Variants in LLGL2 observed in about 807,000 individuals in gnomAD.
LLGL2 encodes LLGL scribble cell polarity complex component 2, also known as LLGL2, scribble cell polarity complex component.
A neutral mutation model predicts 123.2 loss-of-function variants in LLGL2; 81 were observed. That is an observed-to-expected ratio of 0.66 (90% CI 0.55 to 0.79). LLGL2 has a LOEUF of 0.79. Ranked by LOEUF, LLGL2 falls within the 30% of genes least tolerant of loss-of-function variation. LLGL2 has a pLI of 0.00. For synonymous variants in LLGL2, 577 were observed against 594.1 expected (o/e 0.97, Z 0.42); for missense variants, 1,273 against 1,414.6 (o/e 0.90, Z 1.61).
chr17:75,562,769 C>T, intron 6 of LLGL2: 1 of 543,422 alleles, frequency 1.8e-6, no homozygotes, highest in Non-Finnish European at 3.3e-6. Flanking sequence ...AGGGTTTTGC[C>T]ATGTTGGCCA....
At chr17:75,557,904 TC>T in intron 3 of LLGL2, 1 of 541,872 alleles carries the variant, frequency 1.8e-6, no homozygotes, top group South Asian at 1.9e-5. Context: ...GCTTCGCCTT[TC>T]TATGGAGTTG....
In LLGL2 at chr17:75,563,059, G is replaced by A; in HGVS notation, c.574G>A (p.Glu192Lys). The A allele has an allele frequency of 5.0e-6, 8 of 1,613,068 alleles. No individual in the cohort carries two copies. Among genetic ancestry groups the A allele is most frequent in the Non-Finnish European group, 5.9e-6 (7 of 1,180,034 alleles). ...ARHRRVFEMV[E>K]ALQEHPRDPN... ...CCACCGGCGTGTGTTCGAGATGGTG[G>A]AGGCACTGCAGGAGCACCCTCGAGA... is the stretch of plus-strand genomic sequence containing the variant. The change falls in exon 7 of 26, where the codon GAG (glutamate) becomes AAG (lysine). Residue 192 changes from glutamate (E) to lysine (K), a missense_variant. Glu to Lys is a moderately conservative substitution (Grantham distance 56, BLOSUM62 1). Coordinates refer to ENST00000392550, the MANE Select transcript of LLGL2 (RefSeq NM_001031803.2).
In LLGL2 at chr17:75,568,433, C is replaced by T. The variant is rs1236395610; in HGVS notation, c.1037-43C>T. The T allele has an allele frequency of 1.0e-5, 16 of 1,593,822 alleles. No homozygotes were observed. The Admixed American group carries it at 2.5e-4, about 25-fold the overall frequency. ...CTTCTGATTCCACAGAGCTGGGCTG[C>T]TTCCTCCTGGCCCCGGCCCCTGACC... On this transcript the variant is annotated intron_variant, in intron 10 of 25. Coordinates refer to ENST00000392550, the MANE Select transcript of LLGL2 (RefSeq NM_001031803.2).
chr17:75,529,721 C>T lies in LLGL2; in HGVS notation c.-31+3896C>T, dbSNP rs577092979. ...ACTAAAAATACAAAAATTAGCTGGGCGTGGTGGTGCGTGCCTGTAATCCCA... is the reference window on the plus strand; with the variant it reads ...ACTAAAAATACAAAAATTAGCTGGGTGTGGTGGTGCGTGCCTGTAATCCCA... On this transcript the variant is annotated intron_variant, in intron 1 of 25. Coordinates refer to ENST00000392550, the MANE Select transcript of LLGL2 (RefSeq NM_001031803.2). 3.7e-3 allele frequency among the ~76,000 whole-genome samples: 568 copies of T among 151,636 alleles called. 6 individuals are homozygous for T. Among genetic ancestry groups the T allele is most frequent in the African/African-American group, 0.013 (527 of 41,384 alleles).
rs1187279604 is a variant in LLGL2, at chr17:75,564,376, G to A, written c.905G>A (p.Gly302Asp). 3 of 1,611,438 alleles carry A rather than the reference G, an allele frequency of 1.9e-6. No individual in the cohort carries two copies. The Admixed American group carries it at 5.0e-5, about 27-fold the overall frequency. The change falls in exon 10 of 26, where the codon GGT becomes GAT. Residue 302 changes from glycine (G) to aspartate (D), a missense_variant. By Grantham distance (94) the Gly-to-Asp change is moderately conservative. Coordinates refer to ENST00000392550, the MANE Select transcript of LLGL2 (RefSeq NM_001031803.2). This position sits in a 1 kb window ranked among gnomAD's most constrained non-coding sequence, Gnocchi z 4.9. ...RQGLPFTIFQGGMPRASYGDR... is the reference protein window; with the variant it reads ...RQGLPFTIFQDGMPRASYGDR... ...AGGTTGCCCTTCACCATCTTCCAGG[G>A]TGGCATGCCACGGGCCAGCTACGGG... is the stretch of plus-strand genomic sequence containing the variant.
At chr17:75,527,696 G>A (rs746796443) in intron 1 of LLGL2, among the ~76,000 whole-genome samples, 12 of 151,738 alleles carry the variant, frequency 7.9e-5, no homozygotes, top group Non-Finnish European at 1.6e-4. Context: ...CAAACTCCTG[G>A]ACTCAAGTGA....
At chr17:75,561,335 A>G (rs937749166) in intron 6 of LLGL2, among the ~76,000 whole-genome samples, 1 of 152,120 alleles carries the variant, frequency 6.6e-6, no homozygotes, top group Non-Finnish European at 1.5e-5. Context: ...TAAGGACATT[A>G]TTTGCATTTA....
At chr17:75,556,429 G>A (rs924982567) in intron 3 of LLGL2, among the ~76,000 whole-genome samples, 1 of 152,164 alleles carries the variant, frequency 6.6e-6, no homozygotes, top group Non-Finnish European at 1.5e-5. Context: ...TTTGTCTCCT[G>A]TGTCCTTTCA....
rs2054329026 is a variant in LLGL2, at chr17:75,544,299, C to G, written c.75+798C>G. ...AACTGGGACACTGTGATCCTCTTCC[C>G]CCGGGGAGCCAGGACCCTCCCAATA... On this transcript the variant is annotated intron_variant, in intron 2 of 25. Coordinates refer to ENST00000392550, the MANE Select transcript of LLGL2 (RefSeq NM_001031803.2). This position sits in a 1 kb window ranked among gnomAD's most constrained non-coding sequence, Gnocchi z 4.2. 6.6e-6 allele frequency among the ~76,000 whole-genome samples: 1 copy of G among 152,180 alleles called. No individual in the cohort carries two copies. Among genetic ancestry groups the G allele is most frequent in the Non-Finnish European group, 1.5e-5 (1 of 68,038 alleles).
rs1285648189 is a variant in LLGL2 at position 75,573,607 on chromosome 17, C to T, written c.2852C>T (p.Pro951Leu). Reference protein sequence around the residue: ...KNHRPGNGAGPKKAPSRARNS... With the variant: ...KNHRPGNGAGLKKAPSRARNS... ...CACCGCCCTGGTAACGGTGCGGGCCCCAAGAAGGCCCCGAGCCGAGCCAGG... is the reference window on the plus strand; with the variant it reads ...CACCGCCCTGGTAACGGTGCGGGCCTCAAGAAGGCCCCGAGCCGAGCCAGG... Residue 951 changes from proline (P) to leucine (L), a missense_variant, in exon 21 of 26, where the codon CCC becomes CTC. Transcript: ENST00000392550. The T allele has an allele frequency of 2.5e-6, 4 of 1,610,244 alleles. No individual in the cohort carries two copies. Among genetic ancestry groups the T allele is most frequent in the Non-Finnish European group, 3.4e-6 (4 of 1,179,308 alleles).
chr17:75,573,288 C>T lies in LLGL2; in HGVS notation c.2725+10C>T, dbSNP rs201555254. ...ACCAAATATGGCCAAGGTGTTTGAG[C>T]CGGGCTGGGTGGGTGTCGGGGCCCC... is the stretch of plus-strand genomic sequence containing the variant. On this transcript the variant is annotated intron_variant, in intron 20 of 25. Coordinates refer to ENST00000392550, the MANE Select transcript of LLGL2 (RefSeq NM_001031803.2). 4.4e-6 allele frequency: 7 copies of T among 1,589,020 alleles called. No homozygotes were observed. The highest frequency in any genetic ancestry group is 6.0e-6 in the Non-Finnish European group (7 of 1,163,438).
chr17:75,551,489 G>C (rs913861252), intron 2 of LLGL2, among the ~76,000 whole-genome samples: 4 of 151,700 alleles, frequency 2.6e-5, no homozygotes, highest in South Asian at 2.1e-4. Context: ...AGGTGGGGAT[G>C]GGGGGGAGGG....
intron 1 of LLGL2, among the ~76,000 whole-genome samples, chr17:75,540,374 G>T (rs1299776230): frequency 6.6e-6 from 1 of 152,174 alleles, no homozygotes; most frequent in African/African-American, 2.4e-5. Context: ...CTGGGCAGTG[G>T]GTTGATTGGA....
upstream of LLGL2, among the ~76,000 whole-genome samples, chr17:75,525,532 C>G (rs2053525664): frequency 6.6e-6 from 1 of 151,180 alleles, no homozygotes; most frequent in Non-Finnish European, 1.5e-5. The surrounding 1 kb of genome is among the most constrained non-coding windows in gnomAD (Gnocchi z 4.8). Flanking sequence ...CGCGAGGCCC[C>G]GCCCCGCGCT....
chr17:75,549,743 G>A lies in LLGL2; in HGVS notation c.75+6242G>A, dbSNP rs555468396. Reference sequence around the variant, plus strand: ...CTGCCTCCTTCCCACCCCCTGAGGAGTGCCAGGGACTCCTCCTCAGGTCCT... The same window carrying A: ...CTGCCTCCTTCCCACCCCCTGAGGAATGCCAGGGACTCCTCCTCAGGTCCT... On this transcript the variant is annotated intron_variant, in intron 2 of 25. Coordinates refer to ENST00000392550, the MANE Select transcript of LLGL2 (RefSeq NM_001031803.2). The surrounding 1 kb of genome is among the most constrained non-coding windows in gnomAD (Gnocchi z 4.0). 2.3e-4 allele frequency among the ~76,000 whole-genome samples: 35 copies of A among 152,312 alleles called. No individual in the cohort carries two copies. Among genetic ancestry groups the A allele is most frequent in the Non-Finnish European group, 4.6e-4 (31 of 68,016 alleles).
rs373727654 is a variant in LLGL2 at position 75,569,046 on chromosome 17, G to A, written c.1391G>A (p.Ser464Asn). The A allele has an allele frequency of 3.3e-5, 54 of 1,612,620 alleles. No individual in the cohort carries two copies. The highest frequency in any genetic ancestry group is 4.3e-5 in the Non-Finnish European group (51 of 1,179,614). ...GVCLRLLYKL[S>N]TVRVFLTDTD... ...TGCCTGCGGCTGCTCTACAAACTCA[G>A]CACTGTGCGCGTGTTCCTCACCGAC... Residue 464 changes from serine to asparagine, a missense_variant, in exon 13 of 26, where the codon AGC becomes AAC. Physicochemically the swap from Ser to Asn is conservative, Grantham distance 46. Coordinates refer to ENST00000392550, the MANE Select transcript of LLGL2 (RefSeq NM_001031803.2).
At position 75,573,258 on chromosome 17, in the gene LLGL2, T is replaced by C; in HGVS notation, c.2705T>C (p.Val902Ala). The C allele has an allele frequency of 6.2e-7, 1 of 1,603,436 alleles. No homozygotes were observed. The highest frequency in any genetic ancestry group is 1.1e-5 in the South Asian group (1 of 90,646). The part of the protein sequence containing the change: ...REDVSGIASC[V>A]FTKYGQGFYL... ...GACGTCAGTGGCATCGCCTCCTGCG[T>C]CTTCACCAAATATGGCCAAGGTGTT... The change falls in exon 20 of 26, where the codon GTC becomes GCC. Residue 902 changes from valine (V) to alanine (A), a missense_variant. Val to Ala is a moderately conservative substitution (Grantham distance 64). Coordinates refer to ENST00000392550, the MANE Select transcript of LLGL2 (RefSeq NM_001031803.2).
At chr17:75,568,400 C>A in intron 10 of LLGL2, 76 bp from the exon 11 acceptor site, 1 of 1,535,432 alleles carries the variant, frequency 6.5e-7, no homozygotes. Flanking sequence ...CTGGCTCCAA[C>A]CCTGGAGCTT....
At chr17:75,532,051 T>TACACACACACACAC (rs1470150170) in intron 1 of LLGL2, among the ~76,000 whole-genome samples, 60 of 36,816 alleles carry the variant, frequency 1.6e-3, no homozygotes, top group African/African-American at 3.9e-3. Flanking sequence ...TATATATGTA[T>TACACACACACACAC]ATATACACAC....
Sources: gnomAD v4.1 joint callset for allele counts (sites outside exome capture counted in the v4.1 genomes callset) on GRCh38, gnomAD v4.1.1 for gene constraint, Gnocchi (gnomAD v3.1) non-coding constraint, MANE v1.5 for transcripts, NCBI Gene and HGNC (gene_info 2026-07-23, HGNC 2026-07-21) for gene names.